MYOM1: variants seen among roughly 807,000 people sequenced by gnomAD.
The protein encoded by MYOM1 is myomesin 1, also known as myomesin-1.
In MYOM1, 164 loss-of-function variants were observed where a neutral mutation model predicts 205.3. That is an observed-to-expected ratio of 0.80 (90% CI 0.70 to 0.91). The LOEUF (loss-of-function observed/expected upper bound fraction) is 0.91. MYOM1 is among the 40% of genes least tolerant of loss of function. The pLI, the probability that MYOM1 is intolerant of heterozygous loss-of-function variation, is 0.00. For missense variants in MYOM1, 2,011 were observed against 2,127.3 expected (o/e 0.95, Z 1.08); for synonymous variants, 772 against 789.4 (o/e 0.98, Z 0.37).
chr18:3,174,617 C>A (rs2080609424), intron 6 of MYOM1, among the ~76,000 whole-genome samples: 1 of 152,228 alleles, frequency 6.6e-6, no homozygotes, highest in Admixed American at 6.5e-5. Context: ...AAGTAACTAC[C>A]CAGAGGCACA....
In MYOM1 at chr18:3,187,776, C is replaced by T. The variant is rs561513641; in HGVS notation, c.772-139G>A. ...CTTAATTTTTTGTAGAGAAAATGCA[C>T]TCCCTTCTCCCTTTTAAGAACAGAG... On this transcript the variant is annotated intron_variant, in intron 4 of 37. Transcript: ENST00000356443. The T allele has an allele frequency of 2.7e-3, 1,773 of 664,024 alleles. 7 individuals carry two copies. Among genetic ancestry groups the T allele is most frequent in the Non-Finnish European group, 3.3e-3 (1,327 of 406,032 alleles). The allele number at this position is 664,024 out of a possible 1,614,324, so 41.1% of individuals were successfully genotyped here.
At position 3,215,340 on chromosome 18, in the gene MYOM1, T is replaced by C. The variant is rs2081251527; in HGVS notation, c.-28-89A>G. On this transcript the variant is annotated intron_variant, in intron 1 of 37. Transcript: ENST00000356443. The stretch of plus-strand genomic sequence containing the variant: ...TAAATCAATGTGTAAAAATCAATAC[T>C]CTTGGCTGGGTGCGGTGGTTCATGC... 7 of 1,083,866 alleles carry C rather than the reference T, an allele frequency of 6.5e-6. No individual in the cohort carries two copies. In the East Asian group the frequency reaches 7.9e-5, roughly 12 times the overall value. The allele number at this position is 1,083,866 out of a possible 1,614,324, so 67.1% of individuals were successfully genotyped here. A position where few individuals can be genotyped will look rare whatever the true frequency, so the allele number is the denominator to read the frequency against.
rs1567906648 is a variant in MYOM1, at chr18:3,102,606, A to G, written c.3443T>C (p.Val1148Ala). The G allele has an allele frequency of 6.2e-7, 1 of 1,613,726 alleles. No individual in the cohort carries two copies. The highest frequency in any genetic ancestry group is 2.2e-5 in the East Asian group (1 of 44,874). ...CAATGAAATGACTCCATCATCATCC[A>G]CATTTACAACAACCTCTTTGGTTCC... is the stretch of plus-strand genomic sequence containing the variant. ...RPGTKEVVVN[V>A]DDDGVISLNF... The change falls in exon 23 of 38, where the codon GTG becomes GCG. Residue 1148 changes from valine (V) to alanine (A), a missense_variant. Val to Ala is a moderately conservative substitution (Grantham distance 64). Transcript: ENST00000356443.
chr18:3,098,331 G>A (rs187838516), intron 25 of MYOM1, among the ~76,000 whole-genome samples: 132 of 152,200 alleles, frequency 8.7e-4, no homozygotes, highest in African/African-American at 3.0e-3. Flanking sequence ...AGGCTGGAGT[G>A]CAGTGGCACG....
intron 5 of MYOM1, among the ~76,000 whole-genome samples, chr18:3,181,946 C>A (rs1322572700): frequency 6.6e-6 from 1 of 152,044 alleles, no homozygotes. Context: ...GTTGGCCAGG[C>A]TGGTCTCGAA....
Position 3,135,853 on chromosome 18 carries a change from GGA to G in MYOM1, c.2026-125_2026-124del, listed in dbSNP as rs1380516803. On this transcript the variant is annotated intron_variant, in intron 14 of 37. Coordinates refer to ENST00000356443, the MANE Select transcript of MYOM1 (RefSeq NM_003803.4). The surrounding 1 kb of genome is among the most constrained non-coding windows in gnomAD (Gnocchi z 4.1). ...TCCCTGTAATGCAAGCTGGACTGGAGGAGAGATGAGGAGGAAATAGGGGATGA... is the reference window on the plus strand; with the variant it reads ...TCCCTGTAATGCAAGCTGGACTGGAGGAGATGAGGAGGAAATAGGGGATGA... 1 of 1,004,982 alleles carries G rather than the reference GGA, an allele frequency of 1.0e-6. No individual in the cohort carries two copies. The highest frequency in any genetic ancestry group is 1.6e-5 in the African/African-American group (1 of 61,840). 62.3% of individuals were successfully genotyped at this position (1,004,982 alleles called of 1,614,324 possible).
intron 2 of MYOM1, among the ~76,000 whole-genome samples, chr18:3,210,399 A>G (rs2081177750): frequency 6.6e-6 from 1 of 152,166 alleles, no homozygotes; most frequent in South Asian, 2.1e-4. Flanking sequence ...GATCAATGTG[A>G]CATAGGGGTA....
intron 5 of MYOM1, among the ~76,000 whole-genome samples, chr18:3,177,485 A>ATTATTT (rs964365774): frequency 8.0e-6 from 1 of 124,932 alleles, no homozygotes; most frequent in African/African-American, 3.0e-5. Context: ...TATTATTATT[A>ATTATTT]TTTGAGACAG....
intron 13 of MYOM1, among the ~76,000 whole-genome samples, chr18:3,148,066 G>T (rs1367936230): frequency 6.6e-6 from 1 of 152,172 alleles, no homozygotes; most frequent in African/African-American, 2.4e-5. Context: ...GGCTAAAATT[G>T]AAAAGACTGG....
At chr18:3,155,159 A>G in intron 10 of MYOM1, 71 bp from the exon 11 acceptor site, 2 of 1,464,936 alleles carry the variant, frequency 1.4e-6, no homozygotes, top group Admixed American at 2.2e-5. Flanking sequence ...GTCTCAGCGC[A>G]CACGCTTCTT....
chr18:3,086,551 G>A (rs988494579), intron 29 of MYOM1, among the ~76,000 whole-genome samples: 5 of 152,184 alleles, frequency 3.3e-5, no homozygotes, highest in Non-Finnish European at 5.9e-5. Context: ...TAAAGGAACA[G>A]AATGAGTAAG....
chr18:3,194,288 G>A (rs934454330), intron 2 of MYOM1, among the ~76,000 whole-genome samples: 3 of 152,110 alleles, frequency 2.0e-5, no homozygotes, highest in Non-Finnish European at 2.9e-5. Context: ...TGGAAATTTA[G>A]GCAGTCTATA....
chr18:3,111,689 T>C (rs2079529382), intron 22 of MYOM1, among the ~76,000 whole-genome samples: 1 of 152,222 alleles, frequency 6.6e-6, no homozygotes. Flanking sequence ...ATATAATACA[T>C]ATAATGTGCA....
At chr18:3,197,912 C>T (rs916529331) in intron 2 of MYOM1, among the ~76,000 whole-genome samples, 3 of 152,070 alleles carry the variant, frequency 2.0e-5, no homozygotes, top group Non-Finnish European at 2.9e-5. Flanking sequence ...GTTACTATTT[C>T]GTTCTATACT....
chr18:3,113,219 TACACACATGTATATATATATAC>T (rs1308973798), intron 21 of MYOM1, among the ~76,000 whole-genome samples: 1 of 149,520 alleles, frequency 6.7e-6, no homozygotes, highest in Admixed American at 6.7e-5. Context: ...TATATATATA[TACACACATGTATATATATATAC>T]ACACACATCT....
At chr18:3,167,492 C>T (rs1349091513) in intron 9 of MYOM1, among the ~76,000 whole-genome samples, 1 of 152,060 alleles carries the variant, frequency 6.6e-6, no homozygotes, top group Non-Finnish European at 1.5e-5. Context: ...CAAGCGATTC[C>T]CCTGCCTCAG....
rs567350937 is a variant in MYOM1 at position 3,197,692 on chromosome 18, T to C, written c.291-3734A>G. On this transcript the variant is annotated intron_variant, in intron 2 of 37. Transcript: ENST00000356443. ...ATCGAGACCATCCTAGCTAACATGG[T>C]GAAACCCCGTCTTTACTAAAAATAC... Among the ~76,000 whole-genome samples, 186 of 151,522 alleles carry C rather than the reference T, an allele frequency of 1.2e-3. 3 individuals carry two copies. In the East Asian group the frequency reaches 0.032, roughly 26 times the overall value.
rs1355025966 is a variant in MYOM1 at position 3,188,782 on chromosome 18, C to G, written c.737G>C (p.Arg246Pro). Residue 246 changes from arginine (R) to proline (P), a missense_variant, in exon 4 of 38, where the codon CGA (arginine) becomes CCA (proline). Arg to Pro is a moderately radical substitution (Grantham distance 103). Transcript: ENST00000356443. ...SEKKSRKVVI[R>P]EKAERLSLRK... ...CAGGGACAGGCGTTCTGCCTTTTCT[C>G]GAATCACAACTTTCCTTGACTTCTT... 5.0e-6 allele frequency: 8 copies of G among 1,600,830 alleles called. No homozygotes were observed. The highest frequency in any genetic ancestry group is 6.8e-6 in the Non-Finnish European group (8 of 1,171,424).
rs778035589 is a variant in MYOM1, at chr18:3,067,423, T to C, written c.4897A>G (p.Ile1633Val). ...FEAGRTAYFT[I>V]NGVSTADSGK... ...GAGTCAGCGGTGCTCACGCCGTTGA[T>C]GGTGAAGTACGCGGTCCTCCCAGCC... Residue 1633 changes from isoleucine (I) to valine (V), a missense_variant, in exon 38 of 38, where the codon ATC becomes GTC. Ile to Val is a conservative substitution (Grantham distance 29). Transcript: ENST00000356443. 2.2e-5 allele frequency: 36 copies of C among 1,613,688 alleles called. No homozygotes were observed. The highest frequency in any genetic ancestry group is 3.1e-5 in the Non-Finnish European group (36 of 1,179,908).
Sources: gnomAD v4.1 joint callset for allele counts (sites outside exome capture counted in the v4.1 genomes callset) on GRCh38, gnomAD v4.1.1 for gene constraint, Gnocchi (gnomAD v3.1) non-coding constraint, MANE v1.5 for transcripts, NCBI Gene and HGNC (gene_info 2026-07-23, HGNC 2026-07-21) for gene names.